Variants in CKM observed in about 807,000 individuals in gnomAD.
CKM encodes the protein creatine kinase M-type.
CKM carries 28 observed loss-of-function variants against 35.4 expected under a neutral mutation model. The observed-to-expected ratio is 0.79, with a 90% CI of 0.59 to 1.08. The LOEUF (loss-of-function observed/expected upper bound fraction) is 1.08, where lower values mean the gene tolerates loss of function less well. Among genes scored for constraint, CKM ranks in the 50% least tolerant of loss-of-function variants. The probability of loss-of-function intolerance (pLI) is 0.00; values close to 1 mark genes in which losing one functional copy is unlikely to be tolerated. For missense variants in CKM, 484 were observed against 509.8 expected (o/e 0.95, Z 0.49); for synonymous variants, 215 against 204.4 (o/e 1.05, Z -0.44).
At chr19:45,315,797 A>G (rs1353069645) in intron 3 of CKM, among the ~76,000 whole-genome samples, 200 bp from the exon 4 acceptor site, 3 of 146,892 alleles carry the variant, frequency 2.0e-5, no homozygotes, top group East Asian at 2.0e-4. Context: ...CCCCTCTCCT[A>G]TCTCTGTTTT....
chr19:45,307,491 T>C lies in CKM; in HGVS notation c.937A>G (p.Thr313Ala). 6.2e-7 allele frequency: 1 copy of C among 1,612,196 alleles called. No individual in the cohort carries two copies. The highest frequency in any genetic ancestry group is 1.1e-5 in the South Asian group (1 of 90,920). ...CCCCTCTTCTGCAGACGCAGGCGGG[T>C]GAGGATCTCCTCGAACTTGGGGTGC... Reference protein sequence around the residue: ...SKHPKFEEILTRLRLQKRGTG... With the variant: ...SKHPKFEEILARLRLQKRGTG... Residue 313 changes from threonine (T) to alanine (A), a missense_variant, in exon 7 of 8, where the codon ACC (threonine) becomes GCC (alanine). Coordinates refer to ENST00000221476, the MANE Select transcript of CKM (RefSeq NM_001824.5).
At chr19:45,308,330 G>T in intron 6 of CKM, 79 bp downstream of exon 6, 2 of 1,575,002 alleles carry the variant, frequency 1.3e-6, no homozygotes, top group Non-Finnish European at 1.7e-6. Context: ...CTTAGTATAG[G>T]GGAAGGGGCG....
At chr19:45,317,512 C>T (rs192232138) in intron 3 of CKM, among the ~76,000 whole-genome samples, 4 of 152,044 alleles carry the variant, frequency 2.6e-5, no homozygotes, top group Non-Finnish European at 5.9e-5. Flanking sequence ...GTCTCAAACT[C>T]TCAATCTAAG....
At position 45,319,630 on chromosome 19, in the gene CKM, G is replaced by A. The variant is rs760537818; in HGVS notation, c.84C>T (p.Asn28=). 5.1e-5 allele frequency: 83 copies of A among 1,614,042 alleles called. No individual in the cohort carries two copies. Among genetic ancestry groups the A allele is most frequent in the Non-Finnish European group, 6.8e-5 (80 of 1,180,026 alleles). The change falls in exon 2 of 8, where the codon AAC becomes AAT. Residue 28 remains asparagine (N), a synonymous_variant. Transcript: ENST00000221476. ...CAAGGGTCAGTACCTTGGCCATGTG[G>A]TTGTTATGTTTGCTGAGGTCGGGGT... The part of the protein sequence containing the change: ...EEYPDLSKHN[N]HMAKVLTLEL...
rs770377664 is a variant in CKM, at chr19:45,307,511, G to T, written c.917C>A (p.Pro306His). 6.8e-6 allele frequency: 11 copies of T among 1,613,978 alleles called. No individual in the cohort carries two copies. The South Asian group carries it at 1.1e-4, about 16-fold the overall frequency. Residue 306 changes from proline to histidine, a missense_variant, in exon 7 of 8, where the codon CCC becomes CAC. Coordinates refer to ENST00000221476, the MANE Select transcript of CKM (RefSeq NM_001824.5). ...HVKLAHLSKH[P>H]KFEEILTRLR... ...GCGGGTGAGGATCTCCTCGAACTTG[G>T]GGTGCTTGCTCAGGTGCGCCAGCTT... is the stretch of plus-strand genomic sequence containing the variant.
At chr19:45,316,772 C>CTT (rs200321145) in intron 3 of CKM, among the ~76,000 whole-genome samples, 9 of 148,280 alleles carry the variant, frequency 6.1e-5, no homozygotes, top group African/African-American at 2.2e-4. Flanking sequence ...TCCCCCCACC[C>CTT]TTTTTTTTTT....
chr19:45,319,944 C>T (rs1260970149), intron 1 of CKM, among the ~76,000 whole-genome samples: 1 of 152,034 alleles, frequency 6.6e-6, no homozygotes, highest in Non-Finnish European at 1.5e-5. Flanking sequence ...GCGCCCGCCA[C>T]CACGCCGGCT....
chr19:45,315,674 C>T, intron 3 of CKM, 77 bp from the exon 4 acceptor site: 1 of 1,558,542 alleles, frequency 6.4e-7, no homozygotes, highest in East Asian at 2.3e-5. Flanking sequence ...CCCAGATGCT[C>T]CCCTCAGTCT....
Position 45,306,862 on chromosome 19 carries a change from G to A in CKM, c.1034C>T (p.Ser345Phe). ...DVSNADRLGS[S>F]EVEQVQLVVD... The stretch of plus-strand genomic sequence containing the variant: ...CACCAGCTGCACCTGTTCTACTTCG[G>A]ACGAGCCCAGCCGATCAGCGTTGGA... Residue 345 changes from serine to phenylalanine, a missense_variant, in exon 8 of 8, where the codon TCC becomes TTC. Physicochemically the swap from Ser to Phe is radical, Grantham distance 155. Transcript: ENST00000221476. The surrounding 1 kb of genome is among the most constrained non-coding windows in gnomAD (Gnocchi z 4.5). 1 of 1,614,174 alleles carries A rather than the reference G, an allele frequency of 6.2e-7. No individual in the cohort carries two copies. Among genetic ancestry groups the A allele is most frequent in the Non-Finnish European group, 8.5e-7 (1 of 1,180,036 alleles).
chr19:45,320,236 A>G (rs1971201148), intron 1 of CKM, among the ~76,000 whole-genome samples: 1 of 151,812 alleles, frequency 6.6e-6, no homozygotes, highest in Non-Finnish European at 1.5e-5. Context: ...ACAGGCGCAC[A>G]CCACCATGCC....
chr19:45,322,397 AAACGC>A (rs958141314), intron 1 of CKM, among the ~76,000 whole-genome samples: 5 of 152,232 alleles, frequency 3.3e-5, no homozygotes, highest in Admixed American at 6.5e-5. Flanking sequence ...ACACAGTAGC[AAACGC>A]AAAGAAAGCC....
chr19:45,317,683 A>G (rs1479741083), intron 3 of CKM, 142 bp downstream of exon 3: 5 of 928,928 alleles, frequency 5.4e-6, no homozygotes, highest in African/African-American at 3.3e-5. Flanking sequence ...CAGCCTCCCA[A>G]TGTCCCTCTC....
rs3047558 is a variant in CKM, at chr19:45,310,759, C to CTT, written c.653+988_653+989dup. Among the ~76,000 whole-genome samples the CTT allele has an allele frequency of 7.0e-3, 350 of 50,294 alleles. 72 individuals carry two copies. Among genetic ancestry groups the CTT allele is most frequent in the Non-Finnish European group, 9.8e-3 (278 of 28,302 alleles). 33.0% of individuals were successfully genotyped at this position (50,294 alleles called of 152,430 possible). On this transcript the variant is annotated intron_variant, in intron 5 of 7. Transcript: ENST00000221476. ...CACAGGTATACGCCATCACGCCTGG[C>CTT]TTTTTTTTTTTTTTTTTTTTTTTTT... is the stretch of plus-strand genomic sequence containing the variant.
At chr19:45,318,155 C>T (rs1232191564) in intron 2 of CKM, among the ~76,000 whole-genome samples, 176 bp from the exon 3 acceptor site, 1 of 152,088 alleles carries the variant, frequency 6.6e-6, no homozygotes, top group Admixed American at 6.6e-5. Context: ...TGCCTGCAAT[C>T]CCAGCACTTT....
At position 45,319,572 on chromosome 19, in the gene CKM, G is replaced by A. The variant is rs1419537958; in HGVS notation, c.142C>T (p.Pro48Ser). 1 of 1,614,140 alleles carries A rather than the reference G, an allele frequency of 6.2e-7. No individual in the cohort carries two copies. The highest frequency in any genetic ancestry group is 1.1e-5 in the South Asian group (1 of 91,088). Reference sequence around the variant, plus strand: ...ACATCGTCTACAGTGAAGCCAGATGGAGTCTCCTTGTCCCGCAGCTTCTTG... The same window carrying A: ...ACATCGTCTACAGTGAAGCCAGATGAAGTCTCCTTGTCCCGCAGCTTCTTG... ...LYKKLRDKET[P>S]SGFTVDDVIQ... is the part of the protein sequence containing the mutation. The change falls in exon 2 of 8, where the codon CCA becomes TCA. Residue 48 changes from proline to serine, a missense_variant. By Grantham distance (74) the Pro-to-Ser change is moderately conservative. Coordinates refer to ENST00000221476, the MANE Select transcript of CKM (RefSeq NM_001824.5).
At chr19:45,318,083 C>T (rs1286947036) in intron 2 of CKM, 104 bp from the exon 3 acceptor site, 50 of 904,116 alleles carry the variant, frequency 5.5e-5, no homozygotes, top group Middle Eastern at 3.2e-4. Context: ...GGGATGGGGG[C>T]GGGTACATTC....
At position 45,307,685 on chromosome 19, in the gene CKM, G is replaced by A. The variant is rs8104850; in HGVS notation, c.778-35C>T. ...AGAGAGAGGACCAGGGGTCAGCGCC[G>A]GCAGGCACCCCCAAATGCACCCGCA... On this transcript the variant is annotated intron_variant, in intron 6 of 7. Transcript: ENST00000221476. 5,584 of 1,589,326 alleles carry A rather than the reference G, an allele frequency of 3.5e-3. 152 individuals carry two copies. In the African/African-American group the frequency reaches 0.062, roughly 18 times the overall value.
intron 1 of CKM, among the ~76,000 whole-genome samples, 176 bp downstream of exon 1, chr19:45,322,645 T>C (rs1971223977): frequency 6.6e-6 from 1 of 152,124 alleles, no homozygotes; most frequent in Admixed American, 6.5e-5. Context: ...GCCTCACAGA[T>C]GGAGGGGCCT....
At position 45,319,603 on chromosome 19, in the gene CKM, TTCAAGGG is replaced by T. The variant is rs778179639; in HGVS notation, c.104_110del (p.Thr35AsnfsTer17). 1 of 1,614,022 alleles carries T rather than the reference TTCAAGGG, an allele frequency of 6.2e-7. No individual in the cohort carries two copies. The highest frequency in any genetic ancestry group is 1.7e-5 in the Admixed American group (1 of 59,998). ...CCTTGTCCCGCAGCTTCTTGTAGAG[TTCAAGGG>T]TCAGTACCTTGGCCATGTGGTTGTT... On this transcript the variant is annotated frameshift_variant, in exon 2 of 8. Coordinates refer to ENST00000221476, the MANE Select transcript of CKM (RefSeq NM_001824.5). LOFTEE classifies it high-confidence loss of function.
Sources: allele counts gnomAD v4.1 joint callset (sites outside exome capture counted in the v4.1 genomes callset), GRCh38; gene constraint gnomAD v4.1.1; non-coding constraint Gnocchi (gnomAD v3.1); transcripts MANE v1.5; gene names NCBI Gene and HGNC (gene_info 2026-07-23, HGNC 2026-07-21).